The following SLC44A5 variants were observed in gnomAD, a reference collection of about 807,000 sequenced individuals.
The protein encoded by SLC44A5 is solute carrier family 44 member 5.
SLC44A5 carries 57 observed loss-of-function variants against 101.8 expected under a neutral mutation model. The ratio of observed to expected loss-of-function variants is 0.56; its 90% CI spans 0.45 to 0.70. The LOEUF is 0.70. Among genes scored for constraint, SLC44A5 ranks in the 30% least tolerant of loss-of-function variants. The probability of loss-of-function intolerance (pLI) is 0.00; values close to 1 mark genes in which losing one functional copy is unlikely to be tolerated. For synonymous variants in SLC44A5, 281 were observed against 290.9 expected (o/e 0.97, Z 0.35); for missense variants, 737 against 853.1 (o/e 0.86, Z 1.70).
At chr1:75,368,643 G>GCACACACACACACACA (rs10598515) in intron 3 of SLC44A5, among the ~76,000 whole-genome samples, 1 of 144,012 alleles carries the variant, frequency 6.9e-6, no homozygotes, top group African/African-American at 2.6e-5. Context: ...AAATGTGCAT[G>GCACACACACACACACA]CACACACACA....
At chr1:75,268,366 A>C (rs1651179242) in intron 6 of SLC44A5, among the ~76,000 whole-genome samples, 1 of 152,158 alleles carries the variant, frequency 6.6e-6, no homozygotes, top group Admixed American at 6.6e-5. Flanking sequence ...ATTGCACACC[A>C]GTCATTCTCT....
At chr1:75,238,278 C>G (rs1293200233) in intron 10 of SLC44A5, among the ~76,000 whole-genome samples, 1 of 149,166 alleles carries the variant, frequency 6.7e-6, no homozygotes, top group Non-Finnish European at 1.5e-5. Context: ...GCCTGGGCAA[C>G]AGAAAAAAGC....
At chr1:75,605,920 G>A (rs192599266) in intron 1 of SLC44A5, among the ~76,000 whole-genome samples, 15 of 151,992 alleles carry the variant, frequency 9.9e-5, no homozygotes, top group African/African-American at 3.4e-4. Context: ...TGGCAACATT[G>A]ACAATTTGCA....
At chr1:75,659,043 T>C in the SLC44A5 span, among the ~76,000 whole-genome samples, 4 of 152,060 alleles carry the variant, frequency 2.6e-5, no homozygotes, top group East Asian at 7.7e-4. Context: ...CACAAATCCC[T>C]GGACACAGAC....
At chr1:75,401,268 A>G (rs1308598746) in intron 2 of SLC44A5, among the ~76,000 whole-genome samples, 1 of 152,176 alleles carries the variant, frequency 6.6e-6, no homozygotes. Flanking sequence ...CTGAACTCTA[A>G]CTGGATATCA....
chr1:75,243,486 T>C (rs905525901), intron 7 of SLC44A5, among the ~76,000 whole-genome samples: 2 of 152,062 alleles, frequency 1.3e-5, no homozygotes, highest in Non-Finnish European at 2.9e-5. Flanking sequence ...CATGTACTAG[T>C]TACCAATCTC....
the SLC44A5 span, among the ~76,000 whole-genome samples, chr1:75,691,902 C>T: frequency 2.0e-5 from 3 of 152,218 alleles, no homozygotes; most frequent in Non-Finnish European, 2.9e-5. Context: ...CCAAAGGCCT[C>T]ACCTCCAAAT....
chr1:75,378,459 TTAA>T, intron 3 of SLC44A5, among the ~76,000 whole-genome samples: 1 of 65,552 alleles, frequency 1.5e-5, no homozygotes, highest in African/African-American at 1.2e-4. Context: ...TGGGCCATTA[TTAA>T]AGCAGCTTTA....
intron 4 of SLC44A5, among the ~76,000 whole-genome samples, chr1:75,339,081 C>T (rs1474875781): frequency 6.6e-6 from 1 of 152,156 alleles, no homozygotes; most frequent in Non-Finnish European, 1.5e-5. Context: ...GTACATATTT[C>T]CCTAGAGCAT....
chr1:75,355,690 TA>T (rs1230099988), intron 3 of SLC44A5, among the ~76,000 whole-genome samples: 4 of 152,300 alleles, frequency 2.6e-5, no homozygotes, highest in African/African-American at 9.6e-5. Flanking sequence ...AGTGACTTAA[TA>T]GCCATTGTAA....
chr1:75,692,335 G>T, the SLC44A5 span, among the ~76,000 whole-genome samples: 10 of 151,612 alleles, frequency 6.6e-5, no homozygotes, highest in African/African-American at 1.9e-4. Context: ...CTGGGAATTT[G>T]GGCATGTGCC....
chr1:75,461,358 A>G (rs1666486500), intron 2 of SLC44A5, among the ~76,000 whole-genome samples: 1 of 152,184 alleles, frequency 6.6e-6, no homozygotes, highest in African/African-American at 2.4e-5. Context: ...TTAGGTCACA[A>G]CCTTCACACA....
chr1:75,242,951 T>C lies in SLC44A5; in HGVS notation c.406A>G (p.Thr136Ala). The C allele has an allele frequency of 1.2e-6, 2 of 1,612,644 alleles. No homozygotes were observed. Among genetic ancestry groups the C allele is most frequent in the Non-Finnish European group, 1.7e-6 (2 of 1,179,212 alleles). ...TCTTCCCAGTAGCTTTTGTCTTTTG[T>C]GTACAAAAGTTGCATTTCCACATAG... ...LTYVEMQLLY[T>A]KDKSYWEDYR... Residue 136 changes from threonine to alanine, a missense_variant, in exon 8 of 24, where the codon ACA becomes GCA. Coordinates refer to ENST00000370859, the MANE Select transcript of SLC44A5 (RefSeq NM_001130058.2).
At chr1:75,476,566 A>G (rs1006054163) in intron 2 of SLC44A5, among the ~76,000 whole-genome samples, 1 of 152,212 alleles carries the variant, frequency 6.6e-6, no homozygotes, top group Non-Finnish European at 1.5e-5. Flanking sequence ...CGCTTTTCCG[A>G]CAGGCTTAAA....
chr1:75,301,879 T>G (rs1654475900), intron 4 of SLC44A5, among the ~76,000 whole-genome samples: 1 of 152,148 alleles, frequency 6.6e-6, no homozygotes, highest in African/African-American at 2.4e-5. Flanking sequence ...TGATTGTAAT[T>G]TTCTGCAAGG....
chr1:75,562,035 C>CA (rs549443197), intron 1 of SLC44A5, among the ~76,000 whole-genome samples: 393 of 151,320 alleles, frequency 2.6e-3, no homozygotes, highest in Non-Finnish European at 4.3e-3. Context: ...ATAATATGTA[C>CA]AAAAAAAATC....
At chr1:75,674,666 G>C in the SLC44A5 span, among the ~76,000 whole-genome samples, 4 of 152,076 alleles carry the variant, frequency 2.6e-5, no homozygotes, top group African/African-American at 9.7e-5. Context: ...ACAGGCATGA[G>C]CCACCTCACC....
intron 4 of SLC44A5, among the ~76,000 whole-genome samples, chr1:75,337,527 A>G (rs1657539536): frequency 6.6e-6 from 1 of 152,334 alleles, no homozygotes; most frequent in Non-Finnish European, 1.5e-5. Context: ...ATAATGCTGA[A>G]TATCTTTTTC....
At chr1:75,606,959 A>G (rs998167702) in intron 1 of SLC44A5, among the ~76,000 whole-genome samples, 3 of 151,818 alleles carry the variant, frequency 2.0e-5, no homozygotes, top group Non-Finnish European at 4.4e-5. Flanking sequence ...ATTTCTCTCA[A>G]TCTATACTCA....
Sources: allele counts gnomAD v4.1 joint callset (sites outside exome capture counted in the v4.1 genomes callset), GRCh38; gene constraint gnomAD v4.1.1; transcripts MANE v1.5; gene names NCBI Gene and HGNC (gene_info 2026-07-23, HGNC 2026-07-21).